CCDC158: variants seen among roughly 807,000 people sequenced by gnomAD.
The protein encoded by CCDC158 is coiled-coil domain containing 158.
CCDC158 carries 116 observed loss-of-function variants against 138.6 expected under a neutral mutation model. That is an observed-to-expected ratio of 0.84 (90% CI 0.72 to 0.98). CCDC158 has a LOEUF of 0.98. CCDC158 is among the 50% of genes least tolerant of loss of function. The pLI, the probability that CCDC158 is intolerant of heterozygous loss-of-function variation, is 0.00. For synonymous variants in CCDC158, 436 were observed against 442.4 expected (o/e 0.99, Z 0.18); for missense variants, 1,265 against 1,306.1 (o/e 0.97, Z 0.48).
intron 14 of CCDC158, among the ~76,000 whole-genome samples, chr4:76,357,148 G>A (rs376312275): frequency 6.6e-6 from 1 of 152,216 alleles, no homozygotes; most frequent in African/African-American, 2.4e-5. Context: ...CCACTAGAAA[G>A]GAAAGATTCA....
Position 76,336,040 on chromosome 4 carries a change from GGCATGGTGGCAGGCACCT to G in CCDC158, c.2665-1891_2665-1874del, listed in dbSNP as rs1721456073. Among the ~76,000 whole-genome samples the G allele has an allele frequency of 2.0e-5, 3 of 151,610 alleles. No homozygotes were observed. In the South Asian group the frequency reaches 6.2e-4, roughly 31 times the overall value. ...ACTAAAAATACAAAAAAATTAGCCG[GGCATGGTGGCAGGCACCT>G]GTAGTCCCAGCTACTTGGGAGGCTG... On this transcript the variant is annotated intron_variant, in intron 18 of 24. Coordinates refer to ENST00000682701, the MANE Select transcript of CCDC158 (RefSeq NM_001394954.1).
intron 10 of CCDC158, among the ~76,000 whole-genome samples, chr4:76,369,898 T>C (rs1725074888): frequency 6.6e-6 from 1 of 152,242 alleles, no homozygotes; most frequent in South Asian, 2.1e-4. Context: ...AAAGTCATCC[T>C]GTTTTTAAGT....
intron 3 of CCDC158, among the ~76,000 whole-genome samples, chr4:76,399,289 C>A (rs1008953485): frequency 3.3e-5 from 5 of 152,004 alleles, no homozygotes; most frequent in African/African-American, 1.2e-4. Context: ...GGGAGGGGAA[C>A]AACACACACT....
At chr4:76,393,902 A>G (rs1016815839) in intron 4 of CCDC158, among the ~76,000 whole-genome samples, 5 of 152,208 alleles carry the variant, frequency 3.3e-5, no homozygotes, top group African/African-American at 7.2e-5. Flanking sequence ...TGATCATTAG[A>G]GAAATGCAAA....
At chr4:76,317,941 T>A (rs576217727) in intron 24 of CCDC158, among the ~76,000 whole-genome samples, 1 of 152,256 alleles carries the variant, frequency 6.6e-6, no homozygotes, top group South Asian at 2.1e-4. Flanking sequence ...GATGAAAATT[T>A]AAAAATTCTT....
intron 3 of CCDC158, among the ~76,000 whole-genome samples, 184 bp downstream of exon 3, chr4:76,402,954 A>G (rs1209960130): frequency 1.3e-5 from 2 of 152,340 alleles, no homozygotes; most frequent in Admixed American, 6.5e-5. Flanking sequence ...TAAAACAAAA[A>G]ATTCCTTAAA....
intron 15 of CCDC158, 118 bp from the exon 16 acceptor site, chr4:76,353,399 G>C (rs941119871): frequency 2.8e-6 from 2 of 720,450 alleles, no homozygotes; most frequent in African/African-American, 3.6e-5. Context: ...TAATTTATAT[G>C]CCATTTAATT....
chr4:76,337,312 A>C (rs2110120525), intron 18 of CCDC158, among the ~76,000 whole-genome samples: 1 of 152,318 alleles, frequency 6.6e-6, no homozygotes, highest in East Asian at 1.9e-4. Flanking sequence ...CAAAATTATC[A>C]ATCTTTCTTT....
At chr4:76,357,956 C>T (rs1015741954) in intron 13 of CCDC158, among the ~76,000 whole-genome samples, 1 of 151,742 alleles carries the variant, frequency 6.6e-6, no homozygotes, top group Non-Finnish European at 1.5e-5. Context: ...TTGGCACAAA[C>T]TCATCATTTG....
intron 9 of CCDC158, chr4:76,375,263 T>C (rs1011298541): frequency 8.5e-5 from 28 of 331,288 alleles, no homozygotes; most frequent in Middle Eastern, 7.6e-4. Context: ...TTGGTTTGGA[T>C]CACTGGACAA....
intron 1 of CCDC158, among the ~76,000 whole-genome samples, chr4:76,419,955 A>C (rs7689297): frequency 0.033 from 4,870 of 147,286 alleles, 288 homozygotes; most frequent in African/African-American, 0.12. Context: ...TACTAGATAA[A>C]ACTAAGTCCT....
At chr4:76,393,297 A>G (rs1350114130) in intron 4 of CCDC158, among the ~76,000 whole-genome samples, 4 of 151,884 alleles carry the variant, frequency 2.6e-5, no homozygotes, top group Admixed American at 1.3e-4. Context: ...ATAGAACAAT[A>G]GAATAGAATA....
At position 76,405,584 on chromosome 4, in the gene CCDC158, T is replaced by G. The variant is rs139620284; in HGVS notation, c.-73-2304A>C. Among the ~76,000 whole-genome samples the G allele has an allele frequency of 2.6e-5, 4 of 151,632 alleles. No homozygotes were observed. In the East Asian group the frequency reaches 5.8e-4, roughly 22 times the overall value. On this transcript the variant is annotated intron_variant, in intron 2 of 24. Transcript: ENST00000682701. The stretch of plus-strand genomic sequence containing the variant: ...AATATTTAAATACTCAATTATAGAG[T>G]TGAGAAAAACAAAGGTGAGGTAATG...
At chr4:76,315,915 A>G (rs1035107168) in intron 24 of CCDC158, among the ~76,000 whole-genome samples, 4 of 152,008 alleles carry the variant, frequency 2.6e-5, no homozygotes, top group Non-Finnish European at 5.9e-5. Flanking sequence ...CCCTTGGGGG[A>G]GGGGGAGGAC....
chr4:76,403,252 G>T lies in CCDC158; in HGVS notation c.-45C>A. The T allele has an allele frequency of 7.4e-7, 1 of 1,349,194 alleles. No individual in the cohort carries two copies. Among genetic ancestry groups the T allele is most frequent in the Non-Finnish European group, 1.0e-6 (1 of 961,238 alleles). The allele number at this position is 1,349,194 out of a possible 1,614,324, so 83.6% of individuals were successfully genotyped here. On this transcript the variant is annotated 5_prime_UTR_variant, in exon 3 of 25. Coordinates refer to ENST00000682701, the MANE Select transcript of CCDC158 (RefSeq NM_001394954.1). Reference sequence around the variant, plus strand: ...TATTAGAGATCTTGAAGTATGAATGGTTCCCTCTTTGGTTCTTTTGGTTCC... The same window carrying T: ...TATTAGAGATCTTGAAGTATGAATGTTTCCCTCTTTGGTTCTTTTGGTTCC...
At chr4:76,396,632 T>C in intron 3 of CCDC158, 146 bp from the exon 4 acceptor site, 2 of 596,974 alleles carry the variant, frequency 3.4e-6, no homozygotes, top group Middle Eastern at 4.7e-4. Flanking sequence ...TGCCTCAGCC[T>C]CCTGAGTAGC....
intron 18 of CCDC158, among the ~76,000 whole-genome samples, chr4:76,347,614 G>A (rs1722682912): frequency 6.6e-6 from 1 of 152,012 alleles, no homozygotes; most frequent in African/African-American, 2.4e-5. Context: ...GTAGATGACG[G>A]GTTGATCGGT....
At chr4:76,349,937 C>T (rs967871701) in intron 18 of CCDC158, among the ~76,000 whole-genome samples, 5 of 152,248 alleles carry the variant, frequency 3.3e-5, no homozygotes, top group East Asian at 1.9e-4. Context: ...TTAACTGACT[C>T]GCCCAAGGTC....
chr4:76,376,961 C>G (rs1247783886), intron 9 of CCDC158, among the ~76,000 whole-genome samples: 1 of 152,172 alleles, frequency 6.6e-6, no homozygotes, highest in Admixed American at 6.5e-5. Flanking sequence ...GAGAATGATT[C>G]TAATATCATG....
Sources: allele counts gnomAD v4.1 joint callset (sites outside exome capture counted in the v4.1 genomes callset), GRCh38; gene constraint gnomAD v4.1.1; transcripts MANE v1.5; gene names NCBI Gene and HGNC (gene_info 2026-07-23, HGNC 2026-07-21).